Variants in TIAM1 observed in about 807,000 individuals in gnomAD.
TIAM1 encodes rho guanine nucleotide exchange factor TIAM1.
A neutral mutation model predicts 163.5 loss-of-function variants in TIAM1; 65 were observed. The observed-to-expected ratio is 0.40, with a 90% confidence interval of 0.33 to 0.49. The LOEUF (loss-of-function observed/expected upper bound fraction) is 0.49, where lower values mean the gene tolerates loss of function less well. TIAM1 is among the 20% of genes least tolerant of loss of function. TIAM1 has a pLI of 0.77. For missense variants in TIAM1, 1,789 were observed against 2,044.7 expected (o/e 0.87, Z 2.41); for synonymous variants, 833 against 810.1 (o/e 1.03, Z -0.48).
chr21:31,155,659 C>T lies in TIAM1; in HGVS notation c.2992-1233G>A, dbSNP rs918345189. Among the ~76,000 whole-genome samples, 5 of 152,292 alleles carry T rather than the reference C, an allele frequency of 3.3e-5. No homozygotes were observed. The East Asian group carries it at 5.8e-4, about 18-fold the overall frequency. On this transcript the variant is annotated intron_variant, in intron 16 of 27. Coordinates refer to ENST00000541036, the MANE Select transcript of TIAM1 (RefSeq NM_001353694.2). Reference sequence around the variant, plus strand: ...AGCTGGGACTACAGGCGCCCGCCACCACGCCCGGCTATTTTTTTGTATTTT... The same window carrying T: ...AGCTGGGACTACAGGCGCCCGCCACTACGCCCGGCTATTTTTTTGTATTTT...
intron 1 of TIAM1, among the ~76,000 whole-genome samples, chr21:31,550,980 A>C (rs903804595): frequency 3.3e-5 from 5 of 152,006 alleles, no homozygotes; most frequent in African/African-American, 1.2e-4. Flanking sequence ...GGAGGCTTGG[A>C]GGAGAGTGGA....
intron 1 of TIAM1, among the ~76,000 whole-genome samples, chr21:31,481,466 C>T (rs1397522550): frequency 6.6e-6 from 1 of 152,126 alleles, no homozygotes; most frequent in African/African-American, 2.4e-5. Flanking sequence ...TAGCAGAGAA[C>T]CTACAGGTTA....
chr21:31,431,614 A>G (rs1416637218), intron 2 of TIAM1, among the ~76,000 whole-genome samples: 1 of 152,238 alleles, frequency 6.6e-6, no homozygotes, highest in Non-Finnish European at 1.5e-5. Flanking sequence ...ATAGTCACAC[A>G]TCACTTAACA....
intron 15 of TIAM1, among the ~76,000 whole-genome samples, chr21:31,167,004 C>T (rs1249590969): frequency 6.6e-6 from 1 of 151,998 alleles, no homozygotes; most frequent in Non-Finnish European, 1.5e-5. Context: ...CAGAGAAATG[C>T]TGTAACCCTG....
chr21:31,412,458 C>T (rs1286928180), intron 2 of TIAM1, among the ~76,000 whole-genome samples: 3 of 151,952 alleles, frequency 2.0e-5, no homozygotes, highest in Admixed American at 2.0e-4. Flanking sequence ...GAAACTGCTC[C>T]ACCTCAGATC....
intron 2 of TIAM1, among the ~76,000 whole-genome samples, chr21:31,288,262 A>G (rs1221416988): frequency 6.6e-6 from 1 of 152,158 alleles, no homozygotes; most frequent in Non-Finnish European, 1.5e-5. Context: ...AACAAACAAA[A>G]AAAACAACCT....
intron 2 of TIAM1, among the ~76,000 whole-genome samples, chr21:31,391,568 T>C (rs1266076716): frequency 6.6e-6 from 1 of 152,090 alleles, no homozygotes; most frequent in Non-Finnish European, 1.5e-5. Context: ...GAGGTTGCAG[T>C]GAGCTAAGAT....
intron 12 of TIAM1, 110 bp from the exon 13 acceptor site, chr21:31,195,415 C>T (rs1429951221): frequency 2.7e-6 from 2 of 752,550 alleles, no homozygotes; most frequent in South Asian, 3.7e-5. Context: ...CGTGAATTTG[C>T]ACTTCACAAT....
chr21:31,170,878 A>C (rs1297741632), intron 15 of TIAM1, among the ~76,000 whole-genome samples: 1 of 151,750 alleles, frequency 6.6e-6, no homozygotes, highest in South Asian at 2.1e-4. Flanking sequence ...TCTACTAAAA[A>C]TACAAAAATT....
chr21:31,160,494 A>G (rs1250999945), intron 16 of TIAM1: 15 of 398,562 alleles, frequency 3.8e-5, no homozygotes, highest in Non-Finnish European at 2.2e-5. Context: ...ATTGTTTTCA[A>G]TCCTGGGCTT....
chr21:31,130,796 G>A, intron 24 of TIAM1, 94 bp downstream of exon 24: 11 of 1,182,196 alleles, frequency 9.3e-6, no homozygotes, highest in Non-Finnish European at 1.4e-5. Flanking sequence ...TCATAAAAAG[G>A]CTCATACTGA....
intron 15 of TIAM1, among the ~76,000 whole-genome samples, chr21:31,181,298 C>T (rs1247441394): frequency 6.6e-6 from 1 of 152,146 alleles, no homozygotes; most frequent in Admixed American, 6.5e-5. Context: ...TCAGGAAACA[C>T]ATTTAGGCGA....
chr21:31,492,391 G>A (rs1191285488), intron 1 of TIAM1, among the ~76,000 whole-genome samples: 1 of 152,134 alleles, frequency 6.6e-6, no homozygotes, highest in Non-Finnish European at 1.5e-5. Context: ...CTGAGACGAA[G>A]GCATATCTGA....
Position 31,118,459 on chromosome 21 carries a change from T to C in TIAM1, c.*1909A>G, listed in dbSNP as rs1168213281. On this transcript the variant is annotated 3_prime_UTR_variant, in exon 28 of 28. Transcript: ENST00000541036. ...TATTGTTTGACAAGCATTTACAACG[T>C]TCCATTCATAGACCTAAAAACATAA... is the stretch of plus-strand genomic sequence containing the variant. 5.0e-6 allele frequency: 2 copies of C among 397,990 alleles called. No homozygotes were observed. Among genetic ancestry groups the C allele is most frequent in the Non-Finnish European group, 1.0e-5 (2 of 197,138 alleles). The allele number at this position is 397,990 out of a possible 1,614,324, so 24.7% of individuals were successfully genotyped here.
chr21:31,240,047 C>T (rs977937222), intron 6 of TIAM1, among the ~76,000 whole-genome samples: 6 of 152,154 alleles, frequency 3.9e-5, no homozygotes, highest in Admixed American at 3.9e-4. Context: ...AACAACATTG[C>T]TTGTGATCCT....
At chr21:31,531,396 A>G (rs908591172) in intron 1 of TIAM1, among the ~76,000 whole-genome samples, 3 of 152,144 alleles carry the variant, frequency 2.0e-5, no homozygotes, top group African/African-American at 7.2e-5. Context: ...GTGAGAGGAG[A>G]CTGTATGGAA....
At chr21:31,270,342 G>C (rs377237814) in intron 3 of TIAM1, among the ~76,000 whole-genome samples, 311 of 152,282 alleles carry the variant, frequency 2.0e-3, no homozygotes, top group South Asian at 0.011. Flanking sequence ...AAGGAGGACA[G>C]GCTGAAATGC....
intron 2 of TIAM1, among the ~76,000 whole-genome samples, chr21:31,293,352 C>A (rs1371687613): frequency 6.6e-6 from 1 of 152,110 alleles, no homozygotes; most frequent in African/African-American, 2.4e-5. Context: ...TTACTCAACC[C>A]CTACTGATGT....
At position 31,228,829 on chromosome 21, in the gene TIAM1, C is replaced by G. The variant is rs141136194; in HGVS notation, c.1585-2879G>C. The stretch of plus-strand genomic sequence containing the variant: ...CAGTTCAGCATGGCTGAGGAGGCCT[C>G]AGGAAACGTACAATCATGGCAGAAA... On this transcript the variant is annotated intron_variant, in intron 6 of 27. Transcript: ENST00000541036. Among the ~76,000 whole-genome samples the G allele has an allele frequency of 1.8e-4, 28 of 152,192 alleles. No homozygotes were observed. In the East Asian group the frequency reaches 4.8e-3, roughly 26 times the overall value.
Sources: gnomAD v4.1 joint callset for allele counts (sites outside exome capture counted in the v4.1 genomes callset) on GRCh38, gnomAD v4.1.1 for gene constraint, MANE v1.5 for transcripts, NCBI Gene and HGNC (gene_info 2026-07-23, HGNC 2026-07-21) for gene names.